CNTN5: variants seen among roughly 807,000 people sequenced by gnomAD.
The protein encoded by CNTN5 is contactin 5.
In CNTN5, 77 loss-of-function variants were observed where a neutral mutation model predicts 129.1. That is an observed-to-expected ratio of 0.60 (90% CI 0.50 to 0.72). CNTN5 has a LOEUF of 0.72. Among genes scored for constraint, CNTN5 ranks in the 30% least tolerant of loss-of-function variants. The probability of loss-of-function intolerance (pLI) is 0.00; values close to 1 mark genes in which losing one functional copy is unlikely to be tolerated. For missense variants in CNTN5, 1,478 were observed against 1,328.8 expected (o/e 1.11, Z -1.75); for synonymous variants, 509 against 465.6 (o/e 1.09, Z -1.20).
At chr11:100,101,456 A>C (rs1022729299) in intron 13 of CNTN5, among the ~76,000 whole-genome samples, 3 of 152,022 alleles carry the variant, frequency 2.0e-5, no homozygotes, top group Non-Finnish European at 2.9e-5. Context: ...CACTCCAATG[A>C]TAGAGAATTT....
chr11:99,923,921 G>C (rs917557799), intron 7 of CNTN5, among the ~76,000 whole-genome samples: 1 of 151,974 alleles, frequency 6.6e-6, no homozygotes, highest in Admixed American at 6.6e-5. Flanking sequence ...CCAAGTAGCT[G>C]GTAGGTACTA....
intron 1 of CNTN5, among the ~76,000 whole-genome samples, chr11:99,092,570 T>C (rs1217902134): frequency 6.6e-6 from 1 of 152,060 alleles, no homozygotes; most frequent in Non-Finnish European, 1.5e-5. Flanking sequence ...AATAAAAATG[T>C]ACAATATTTG....
Position 99,299,396 on chromosome 11 carries a change from A to T in CNTN5, c.-209-25950A>T, listed in dbSNP as rs76158156. 2.8e-3 allele frequency among the ~76,000 whole-genome samples: 431 copies of T among 152,320 alleles called. 2 individuals carry two copies. The highest frequency in any genetic ancestry group is 9.1e-3 in the African/African-American group (380 of 41,580). On this transcript the variant is annotated intron_variant, in intron 1 of 24. Transcript: ENST00000524871. ...TAAAAATTATAAAGTTGGCAAGTAT[A>T]TTAACAAAAAAAATTACTGGAAGGG...
chr11:99,999,826 C>T (rs1252839047), intron 8 of CNTN5, among the ~76,000 whole-genome samples: 2 of 152,098 alleles, frequency 1.3e-5, no homozygotes, highest in East Asian at 1.9e-4. Context: ...ACTACGCAGC[C>T]ATAAAAAATG....
intron 8 of CNTN5, among the ~76,000 whole-genome samples, chr11:99,996,498 A>G (rs910113343): frequency 2.0e-5 from 3 of 152,186 alleles, no homozygotes; most frequent in Non-Finnish European, 4.4e-5. Context: ...TCCAGATGTC[A>G]GAAAAATTGA....
chr11:100,173,166 C>T (rs1383488336), intron 13 of CNTN5, among the ~76,000 whole-genome samples: 4 of 152,072 alleles, frequency 2.6e-5, no homozygotes, highest in Non-Finnish European at 5.9e-5. Context: ...TCTGCTTATC[C>T]AAATCCTTAT....
chr11:99,118,996 C>T (rs1565331882), intron 1 of CNTN5, among the ~76,000 whole-genome samples: 1 of 151,822 alleles, frequency 6.6e-6, no homozygotes, highest in Non-Finnish European at 1.5e-5. Context: ...TGCAGGTTAT[C>T]ACTTTCTATA....
chr11:100,165,474 C>T (rs933218781), intron 13 of CNTN5, among the ~76,000 whole-genome samples: 2 of 151,666 alleles, frequency 1.3e-5, no homozygotes, highest in African/African-American at 2.4e-5. Flanking sequence ...ATCAAAAGAG[C>T]TCTGTTAATT....
intron 3 of CNTN5, among the ~76,000 whole-genome samples, chr11:99,722,124 A>G (rs574552537): frequency 3.9e-5 from 6 of 152,172 alleles, no homozygotes; most frequent in Non-Finnish European, 8.8e-5. Flanking sequence ...CAGCAATCCC[A>G]TTACTGATAT....
At chr11:99,630,573 A>C (rs1951308155) in intron 3 of CNTN5, among the ~76,000 whole-genome samples, 1 of 120,466 alleles carries the variant, frequency 8.3e-6, no homozygotes, top group African/African-American at 2.8e-5. Flanking sequence ...TGTGATAAAG[A>C]ACACAAATTT....
At chr11:100,251,785 T>C (rs1460976933) in intron 16 of CNTN5, among the ~76,000 whole-genome samples, 1 of 152,150 alleles carries the variant, frequency 6.6e-6, no homozygotes, top group Admixed American at 6.6e-5. Flanking sequence ...TTCCATGGTG[T>C]ATATATATCA....
chr11:99,963,744 T>C (rs1951015910), intron 8 of CNTN5, among the ~76,000 whole-genome samples: 1 of 152,202 alleles, frequency 6.6e-6, no homozygotes, highest in Non-Finnish European at 1.5e-5. Context: ...TAAATTACCT[T>C]GGGCAATATG....
intron 3 of CNTN5, among the ~76,000 whole-genome samples, chr11:99,764,750 A>T (rs1035704174): frequency 2.0e-5 from 3 of 152,162 alleles, no homozygotes; most frequent in Admixed American, 2.0e-4. Context: ...CGTATAATCA[A>T]TATAAAAAAT....
At chr11:99,143,378 A>C (rs1452486599) in intron 1 of CNTN5, among the ~76,000 whole-genome samples, 1 of 148,534 alleles carries the variant, frequency 6.7e-6, no homozygotes, top group African/African-American at 2.5e-5. Flanking sequence ...AAAATTACAT[A>C]TATAAAATAT....
At chr11:100,279,395 T>G (rs1246226259) in intron 18 of CNTN5, among the ~76,000 whole-genome samples, 1 of 152,020 alleles carries the variant, frequency 6.6e-6, no homozygotes, top group Non-Finnish European at 1.5e-5. Context: ...TTTTAGTTCT[T>G]CTTTAAATGT....
intron 2 of CNTN5, among the ~76,000 whole-genome samples, chr11:99,351,341 T>C (rs1208163031): frequency 1.3e-5 from 2 of 152,164 alleles, no homozygotes; most frequent in Non-Finnish European, 2.9e-5. Context: ...ATACAGACAC[T>C]AATGCTTACA....
intron 1 of CNTN5, among the ~76,000 whole-genome samples, chr11:99,114,331 C>T (rs1251490788): frequency 6.6e-6 from 1 of 152,030 alleles, no homozygotes; most frequent in Non-Finnish European, 1.5e-5. Flanking sequence ...GAGAAACTCT[C>T]GTAGTAAGAA....
At chr11:99,967,082 A>G (rs1339385137) in intron 8 of CNTN5, among the ~76,000 whole-genome samples, 1 of 152,170 alleles carries the variant, frequency 6.6e-6, no homozygotes, top group Non-Finnish European at 1.5e-5. Context: ...GTAATTTGGT[A>G]TTAGGTGACT....
intron 20 of CNTN5, 144 bp from the exon 21 acceptor site, chr11:100,308,215 T>G: frequency 1.5e-6 from 1 of 658,230 alleles, no homozygotes; most frequent in Non-Finnish European, 2.5e-6. Flanking sequence ...AGGATCACCT[T>G]TATATTTTGT....
Sources: allele counts gnomAD v4.1 joint callset (sites outside exome capture counted in the v4.1 genomes callset), GRCh38; gene constraint gnomAD v4.1.1; transcripts MANE v1.5; gene names NCBI Gene and HGNC (gene_info 2026-07-23, HGNC 2026-07-21).